The following AGO3 variants were observed in gnomAD, a reference collection of about 807,000 sequenced individuals.
AGO3 encodes protein argonaute-3.
A neutral mutation model predicts 105.5 loss-of-function variants in AGO3; 16 were observed. That is an observed-to-expected ratio of 0.15 (90% CI 0.10 to 0.23). The LOEUF (loss-of-function observed/expected upper bound fraction) is 0.23. AGO3 is among the 10% of genes least tolerant of loss of function. The pLI, the probability that AGO3 is intolerant of heterozygous loss-of-function variation, is 1.00. For synonymous variants in AGO3, 340 were observed against 367.3 expected (o/e 0.93, Z 0.85); for missense variants, 534 against 1,088.0 (o/e 0.49, Z 7.16).
intron 14 of AGO3, among the ~76,000 whole-genome samples, chr1:36,039,376 C>T (rs1642148859): frequency 1.3e-5 from 2 of 151,618 alleles, no homozygotes; most frequent in Admixed American, 6.6e-5. Context: ...CACCTGTAGT[C>T]CCAGCTACTC....
chr1:35,979,618 TTTC>T (rs1166327902), intron 5 of AGO3, among the ~76,000 whole-genome samples: 2 of 152,110 alleles, frequency 1.3e-5, no homozygotes, highest in African/African-American at 4.8e-5. Flanking sequence ...TATCTTTCTG[TTTC>T]TTCTTTTATC....
intron 2 of AGO3, among the ~76,000 whole-genome samples, chr1:35,955,795 A>G (rs1420277882): frequency 2.6e-5 from 4 of 151,988 alleles, no homozygotes; most frequent in African/African-American, 9.7e-5. Context: ...GGATTTCGCC[A>G]TGTTGCCCAG....
intron 1 of AGO3, among the ~76,000 whole-genome samples, chr1:35,932,210 A>G (rs1208455820): frequency 1.3e-5 from 2 of 152,214 alleles, no homozygotes; most frequent in African/African-American, 4.8e-5. Flanking sequence ...AAAAAAGGAA[A>G]AGTATTGTTT....
At chr1:36,033,288 G>A (rs1259872164) in intron 12 of AGO3, among the ~76,000 whole-genome samples, 1 of 151,690 alleles carries the variant, frequency 6.6e-6, no homozygotes, top group Non-Finnish European at 1.5e-5. Context: ...AGTGAGCTGA[G>A]ATCGCGCCAC....
At chr1:36,032,158 T>C (rs1287553990) in intron 12 of AGO3, among the ~76,000 whole-genome samples, 2 of 152,178 alleles carry the variant, frequency 1.3e-5, no homozygotes, top group Non-Finnish European at 2.9e-5. Flanking sequence ...CTGCACCATT[T>C]TACATGCCCA....
At position 36,021,631 on chromosome 1, in the gene AGO3, A is replaced by G. The variant is rs1312853686; in HGVS notation, c.1407-5483A>G. Among the ~76,000 whole-genome samples, 34 of 152,162 alleles carry G rather than the reference A, an allele frequency of 2.2e-4. 1 individual carries two copies. Among genetic ancestry groups the G allele is most frequent in the Admixed American group, 2.2e-3 (34 of 15,270 alleles). On this transcript the variant is annotated intron_variant, in intron 11 of 18. Transcript: ENST00000373191. ...ACATCCCAAAGTTAATTTGAGGTCAAAAAAAGACTTAATTTTGAATTTGAA... is the reference window on the plus strand; with the variant it reads ...ACATCCCAAAGTTAATTTGAGGTCAGAAAAAGACTTAATTTTGAATTTGAA...
intron 1 of AGO3, among the ~76,000 whole-genome samples, chr1:35,932,746 T>TA (rs1398964982): frequency 1.3e-5 from 2 of 152,088 alleles, no homozygotes; most frequent in Non-Finnish European, 2.9e-5. Context: ...CCTGCCCTTT[T>TA]AAAAAAATTA....
chr1:36,030,320 G>A (rs923495485), intron 12 of AGO3, among the ~76,000 whole-genome samples: 6 of 151,882 alleles, frequency 4.0e-5, no homozygotes, highest in African/African-American at 1.5e-4. Context: ...TGAGCAACAT[G>A]GCGAAACCTC....
intron 8 of AGO3, 114 bp from the exon 9 acceptor site, chr1:36,009,355 TTGAAAA>T: frequency 3.4e-6 from 4 of 1,167,964 alleles, no homozygotes; most frequent in Non-Finnish European, 4.7e-6. Context: ...ACTTAACATA[TTGAAAA>T]TAAGTGGTTT....
At position 36,004,498 on chromosome 1, in the gene AGO3, C is replaced by G. The variant is rs765445555; in HGVS notation, c.793+23C>G. On this transcript the variant is annotated intron_variant, in intron 6 of 18. Transcript: ENST00000373191. ...AAGGTGAATTAATTAGCATTTAGCA[C>G]AACTTAACTATAAAATGCATGGATA... is the stretch of plus-strand genomic sequence containing the variant. 18 of 1,554,812 alleles carry G rather than the reference C, an allele frequency of 1.2e-5. No individual in the cohort carries two copies. The Admixed American group carries it at 3.3e-4, about 28-fold the overall frequency.
intron 9 of AGO3, among the ~76,000 whole-genome samples, chr1:36,011,964 C>T (rs1201575572): frequency 6.6e-6 from 1 of 152,114 alleles, no homozygotes; most frequent in Non-Finnish European, 1.5e-5. Flanking sequence ...GTATAGTCGT[C>T]ATTATTCGCT....
chr1:35,990,368 C>T (rs1413117679), intron 5 of AGO3, among the ~76,000 whole-genome samples: 2 of 152,154 alleles, frequency 1.3e-5, no homozygotes, highest in Admixed American at 6.5e-5. Context: ...ATTAGCTGGG[C>T]GTGGTGGCAG....
At chr1:35,957,738 A>T (rs1646597045) in intron 2 of AGO3, among the ~76,000 whole-genome samples, 1 of 152,044 alleles carries the variant, frequency 6.6e-6, no homozygotes, top group African/African-American at 2.4e-5. Context: ...AAAAACAAAA[A>T]TGCTCAGTAT....
intron 11 of AGO3, among the ~76,000 whole-genome samples, chr1:36,023,604 C>A (rs1265405275): frequency 6.6e-6 from 1 of 152,198 alleles, no homozygotes; most frequent in African/African-American, 2.4e-5. Context: ...ATGGTTTCAA[C>A]AGTTGGCTGC....
At chr1:36,044,522 C>G (rs1333218423) in intron 17 of AGO3, among the ~76,000 whole-genome samples, 2 of 152,016 alleles carry the variant, frequency 1.3e-5, no homozygotes, top group Admixed American at 1.3e-4. Context: ...CTCCCAGGTT[C>G]AAGTGACTCT....
Position 36,062,357 on chromosome 1 carries a change from C to T in AGO3, c.*6612C>T, listed in dbSNP as rs755886748. 1 of 151,980 alleles carries T rather than the reference C, an allele frequency of 6.6e-6. No homozygotes were observed. The highest frequency in any genetic ancestry group is 1.5e-5 in the Non-Finnish European group (1 of 67,988). 9.4% of individuals were successfully genotyped at this position (151,980 alleles called of 1,614,324 possible). On this transcript the variant is annotated 3_prime_UTR_variant, in exon 19 of 19. Coordinates refer to ENST00000373191, the MANE Select transcript of AGO3 (RefSeq NM_024852.4). ...TTAGTCATTATTAAGGAGGACTGCTCATAAAGGCAGTACCAAATCATCATT... is the reference window on the plus strand; with the variant it reads ...TTAGTCATTATTAAGGAGGACTGCTTATAAAGGCAGTACCAAATCATCATT...
At chr1:35,987,233 C>G (rs369811430) in intron 5 of AGO3, among the ~76,000 whole-genome samples, 1 of 151,754 alleles carries the variant, frequency 6.6e-6, no homozygotes, top group Non-Finnish European at 1.5e-5. Flanking sequence ...GAGGCTGAGG[C>G]AGGAGAATCA....
intron 2 of AGO3, among the ~76,000 whole-genome samples, chr1:35,964,100 A>G (rs1346536775): frequency 6.6e-6 from 1 of 152,170 alleles, no homozygotes; most frequent in Admixed American, 6.6e-5. Flanking sequence ...ATGTGTATGT[A>G]TATATCCTGC....
intron 1 of AGO3, among the ~76,000 whole-genome samples, chr1:35,934,333 C>G (rs536908255): frequency 6.6e-6 from 1 of 152,272 alleles, no homozygotes; most frequent in East Asian, 1.9e-4. Context: ...TAATGACATG[C>G]AAATTGTTTG....
Sources: gnomAD v4.1 joint callset for allele counts (sites outside exome capture counted in the v4.1 genomes callset) on GRCh38, gnomAD v4.1.1 for gene constraint, MANE v1.5 for transcripts, NCBI Gene and HGNC (gene_info 2026-07-23, HGNC 2026-07-21) for gene names.